ROBO2: variants seen among roughly 807,000 people sequenced by gnomAD.
The protein encoded by ROBO2 is roundabout homolog 2.
Under a neutral mutation model 160.8 loss-of-function variants are expected in ROBO2, and 53 were observed. That is an observed-to-expected ratio of 0.33 (90% CI 0.26 to 0.41). The LOEUF (loss-of-function observed/expected upper bound fraction) is 0.41. Among genes scored for constraint, ROBO2 ranks in the 10% least tolerant of loss-of-function variants. The probability of loss-of-function intolerance (pLI) is 1.00; values close to 1 mark genes in which losing one functional copy is unlikely to be tolerated. For synonymous variants in ROBO2, 664 were observed against 611.7 expected (o/e 1.09, Z -1.26); for missense variants, 1,577 against 1,722.4 (o/e 0.92, Z 1.49).
intron 2 of ROBO2, among the ~76,000 whole-genome samples, chr3:76,652,744 G>A (rs1460859894): frequency 2.0e-5 from 3 of 151,772 alleles, no homozygotes; most frequent in Admixed American, 2.0e-4. Context: ...ACAGCTGAAA[G>A]TCATGGTTTT....
intron 2 of ROBO2, among the ~76,000 whole-genome samples, chr3:76,305,376 G>GCAA (rs1359190620): frequency 2.2e-5 from 2 of 91,030 alleles, no homozygotes; most frequent in Non-Finnish European, 3.7e-5. Flanking sequence ...GGGTGACAGA[G>GCAA]CAAGATCTGT....
chr3:76,729,276 G>A (rs569249394), intron 2 of ROBO2, among the ~76,000 whole-genome samples: 1 of 151,364 alleles, frequency 6.6e-6, no homozygotes, highest in South Asian at 2.1e-4. Context: ...AATTACCAAG[G>A]TTTTCTAATT....
At chr3:77,146,379 C>T (rs7612655) in intron 2 of ROBO2, among the ~76,000 whole-genome samples, 11,868 of 152,068 alleles carry the variant, frequency 0.078, 1,092 homozygotes, top group East Asian at 0.21. Context: ...AGCCTGGTAA[C>T]GTGGTAGTGG....
chr3:77,269,330 GACCTAA>G (rs2153351510), intron 2 of ROBO2, among the ~76,000 whole-genome samples: 2 of 152,206 alleles, frequency 1.3e-5, no homozygotes, highest in South Asian at 2.1e-4. Context: ...AAACCCAGTA[GACCTAA>G]CACATACAAT....
At chr3:77,286,645 T>G (rs1462395226) in intron 2 of ROBO2, among the ~76,000 whole-genome samples, 1 of 152,198 alleles carries the variant, frequency 6.6e-6, no homozygotes, top group African/African-American at 2.4e-5. Flanking sequence ...TAACCACTTT[T>G]GTCAGTCTGA....
At chr3:76,347,358 T>A (rs2074590643) in intron 2 of ROBO2, among the ~76,000 whole-genome samples, 1 of 152,124 alleles carries the variant, frequency 6.6e-6, no homozygotes, top group African/African-American at 2.4e-5. Context: ...TTATATTGAG[T>A]TTAAACAGTT....
intron 2 of ROBO2, among the ~76,000 whole-genome samples, chr3:77,256,060 G>A (rs2058390312): frequency 6.6e-6 from 1 of 152,180 alleles, no homozygotes; most frequent in Non-Finnish European, 1.5e-5. Flanking sequence ...TAATGTGCCT[G>A]TAAACTCATT....
At chr3:76,274,791 T>A (rs943572270) in intron 2 of ROBO2, among the ~76,000 whole-genome samples, 5 of 150,174 alleles carry the variant, frequency 3.3e-5, no homozygotes, top group African/African-American at 1.2e-4. Context: ...GAGCTGAGAT[T>A]GTGCCACTGC....
At chr3:77,179,686 A>G (rs2080511516) in intron 2 of ROBO2, among the ~76,000 whole-genome samples, 1 of 152,170 alleles carries the variant, frequency 6.6e-6, no homozygotes, top group Non-Finnish European at 1.5e-5. Flanking sequence ...AATGTAACAT[A>G]TAACATTTAA....
chr3:77,177,462 G>T (rs1298473726), intron 2 of ROBO2, among the ~76,000 whole-genome samples: 6 of 151,930 alleles, frequency 3.9e-5, no homozygotes, highest in Non-Finnish European at 7.4e-5. Flanking sequence ...AGTACTGTTT[G>T]CATACAATCT....
rs577702282 is a variant in ROBO2, at chr3:76,304,763, T to C, written c.109+367161T>C. Among the ~76,000 whole-genome samples the C allele has an allele frequency of 7.0e-3, 1,022 of 146,580 alleles. 9 individuals are homozygous for C. The highest frequency in any genetic ancestry group is 0.011 in the East Asian group (56 of 5,066). On this transcript the variant is annotated intron_variant, in intron 2 of 26. Coordinates refer to the ROBO2 transcript ENST00000487694. ...TTTTCTTTCCTTCTTTCTTTCTTTC[T>C]TTCTTTCTTTCTTTCTTTCTTTCTT...
At chr3:75,932,856 G>A (rs1199525703) in intron 1 of ROBO2, among the ~76,000 whole-genome samples, 35 of 152,064 alleles carry the variant, frequency 2.3e-4, no homozygotes, top group Admixed American at 2.6e-4. Flanking sequence ...TCTAAAGCAC[G>A]ATGGCCTAGA....
intron 2 of ROBO2, among the ~76,000 whole-genome samples, chr3:76,751,451 A>G (rs1205285099): frequency 8.5e-5 from 13 of 152,148 alleles, no homozygotes; most frequent in Non-Finnish European, 2.9e-5. Context: ...AAATTGAGAA[A>G]TGGGATCTAA....
chr3:77,581,971 C>T (rs1022932988), intron 16 of ROBO2, among the ~76,000 whole-genome samples: 12 of 151,966 alleles, frequency 7.9e-5, no homozygotes, highest in Non-Finnish European at 1.5e-4. Context: ...TAAATTTACC[C>T]TTTATTATTA....
At chr3:77,179,175 A>T (rs570428758) in intron 2 of ROBO2, among the ~76,000 whole-genome samples, 1 of 152,156 alleles carries the variant, frequency 6.6e-6, no homozygotes, top group South Asian at 2.1e-4. Flanking sequence ...TTTAATATTT[A>T]GTAACTGCCT....
At chr3:76,647,762 A>G (rs1275920984) in intron 2 of ROBO2, among the ~76,000 whole-genome samples, 1 of 152,162 alleles carries the variant, frequency 6.6e-6, no homozygotes, top group Non-Finnish European at 1.5e-5. Flanking sequence ...TAAAAAGGGA[A>G]GAATACAGTA....
chr3:75,915,581 C>G (rs1946776279), intron 1 of ROBO2, among the ~76,000 whole-genome samples: 1 of 152,068 alleles, frequency 6.6e-6, no homozygotes, highest in Non-Finnish European at 1.5e-5. Context: ...CTTTTCAATA[C>G]TTGCAACAAG....
intron 2 of ROBO2, among the ~76,000 whole-genome samples, chr3:77,368,772 T>C (rs949184796): frequency 6.6e-6 from 1 of 152,188 alleles, no homozygotes; most frequent in African/African-American, 2.4e-5. Flanking sequence ...AAAATTATTC[T>C]TTCCTTCCTA....
At chr3:77,399,288 C>G (rs2075582948) in intron 2 of ROBO2, among the ~76,000 whole-genome samples, 1 of 152,168 alleles carries the variant, frequency 6.6e-6, no homozygotes. Flanking sequence ...ATATCTAGAG[C>G]TCTCCAGAAA....
Sources: allele counts gnomAD v4.1 joint callset (sites outside exome capture counted in the v4.1 genomes callset), GRCh38; gene constraint gnomAD v4.1.1; transcripts MANE v1.5; gene names NCBI Gene and HGNC (gene_info 2026-07-23, HGNC 2026-07-21).